Variants in CUL9 observed in about 807,000 individuals in gnomAD.
CUL9 encodes cullin-9.
A neutral mutation model predicts 272.6 loss-of-function variants in CUL9; 79 were observed. That is an observed-to-expected ratio of 0.29 (90% CI 0.24 to 0.35). The LOEUF (loss-of-function observed/expected upper bound fraction) is 0.35, where lower values mean the gene tolerates loss of function less well. CUL9 is among the 10% of genes least tolerant of loss of function. The pLI is 1.00. For synonymous variants in CUL9, 1,186 were observed against 1,286.5 expected, an observed-to-expected ratio of 0.92 and a Z score of 1.67; for missense variants, 2,532 against 3,255.6, an observed-to-expected ratio of 0.78 and a Z score of 5.41.
rs760000481 is a variant in CUL9 at position 43,203,982 on chromosome 6, C to T, written c.4154C>T (p.Ser1385Phe). 6.9e-6 allele frequency: 11 copies of T among 1,596,646 alleles called. No individual in the cohort carries two copies. The highest frequency in any genetic ancestry group is 1.7e-5 in the Admixed American group (1 of 58,232). The change falls in exon 20 of 41, where the codon TCT becomes TTT. Residue 1385 changes from serine to phenylalanine, a missense_variant. Transcript: ENST00000252050. The surrounding 1 kb of genome is among the most constrained non-coding windows in gnomAD (Gnocchi z 5.0). The stretch of plus-strand genomic sequence containing the variant: ...AGCCCCCTGGTGCAGAACATCACCT[C>T]TCCCGGTAACCATGCTGACACCTGG... ...LVSPLVQNIT[S>F]PDAEGVSALG...
intron 9 of CUL9, among the ~76,000 whole-genome samples, chr6:43,193,989 A>G (rs1360656404): frequency 1.3e-5 from 2 of 152,202 alleles, no homozygotes; most frequent in Admixed American, 6.5e-5. Context: ...AGATTTGGGT[A>G]AAACAAAGCC....
In CUL9 at chr6:43,209,941, C is replaced by T. The variant is rs147714086; in HGVS notation, c.5213-3208C>T. On this transcript the variant is annotated intron_variant, in intron 26 of 40. Transcript: ENST00000252050. ...GATTACAGGCATGAGCCACCGCATC[C>T]GGACCCTTTTGTACTTTTTATTTTA... is the stretch of plus-strand genomic sequence containing the variant. Among the ~76,000 whole-genome samples the T allele has an allele frequency of 5.3e-3, 800 of 152,018 alleles. 11 individuals carry two copies. The highest frequency in any genetic ancestry group is 0.018 in the African/African-American group (767 of 41,500).
chr6:43,220,633 A>C lies in CUL9; in HGVS notation c.6423+34A>C, dbSNP rs1776280181. 6 of 1,612,556 alleles carry C rather than the reference A, an allele frequency of 3.7e-6. No individual in the cohort carries two copies. The highest frequency in any genetic ancestry group is 5.1e-6 in the Non-Finnish European group (6 of 1,179,152). ...TCTCGTCTGAGAGAGGCTCCAGTGC[A>C]GAGCCAAAGGAGTGTGCCCCAGGGA... is the stretch of plus-strand genomic sequence containing the variant. On this transcript the variant is annotated intron_variant, in intron 32 of 40. Coordinates refer to ENST00000252050, the MANE Select transcript of CUL9 (RefSeq NM_015089.4). This position sits in a 1 kb window ranked among gnomAD's most constrained non-coding sequence, Gnocchi z 4.9.
rs762518836 is a variant in CUL9, at chr6:43,206,276, C to A, written c.5022+41C>A. ...ATAGGAGAGTGAGAGAAGACTAGAC[C>A]AAGGAAGGGAGCCCAAGGGCCCTTG... On this transcript the variant is annotated intron_variant, in intron 25 of 40. Transcript: ENST00000252050. This position sits in a 1 kb window ranked among gnomAD's most constrained non-coding sequence, Gnocchi z 4.8. 3 of 1,611,900 alleles carry A rather than the reference C, an allele frequency of 1.9e-6. No individual in the cohort carries two copies. Among genetic ancestry groups the A allele is most frequent in the Middle Eastern group, 1.7e-4 (1 of 6,054 alleles).
Position 43,222,838 on chromosome 6 carries a change from G to C in CUL9, c.7092G>C (p.Val2364=), listed in dbSNP as rs1330151504. ...GCCAGGACGCAGAGTACATGGATGT[G>C]GTGGAGCAGCAGACAGAGAACCTGG... is the stretch of plus-strand genomic sequence containing the variant. ...FYSQDAEYMD[V]VEQQTENLEL... Residue 2364 remains valine, a synonymous_variant, in exon 38 of 41, where the codon GTG becomes GTC. Transcript: ENST00000252050. 6.2e-7 allele frequency: 1 copy of C among 1,614,022 alleles called. No individual in the cohort carries two copies. Among genetic ancestry groups the C allele is most frequent in the Non-Finnish European group, 8.5e-7 (1 of 1,179,966 alleles).
Position 43,198,753 on chromosome 6 carries a change from C to G in CUL9, c.2948C>G (p.Pro983Arg). The stretch of plus-strand genomic sequence containing the variant: ...GGCAGCCCCGGAGGTGCCGTGAGGC[C>G]CCTCCTCAAGCGCCTCCAGCAGGAG... Reference protein sequence around the residue: ...REGSPGGAVRPLLKRLQQETQ... With the variant: ...REGSPGGAVRRLLKRLQQETQ... Residue 983 changes from proline to arginine, a missense_variant, in exon 12 of 41, where the codon CCC (proline) becomes CGC (arginine). Pro to Arg is a moderately radical substitution (Grantham distance 103, BLOSUM62 -2). Coordinates refer to ENST00000252050, the MANE Select transcript of CUL9 (RefSeq NM_015089.4). 1 of 1,614,114 alleles carries G rather than the reference C, an allele frequency of 6.2e-7. No individual in the cohort carries two copies. Among genetic ancestry groups the G allele is most frequent in the Non-Finnish European group, 8.5e-7 (1 of 1,180,022 alleles).
chr6:43,182,515 C>T (rs143033117), intron 1 of CUL9, among the ~76,000 whole-genome samples: 2 of 151,858 alleles, frequency 1.3e-5, no homozygotes, highest in South Asian at 4.2e-4. Flanking sequence ...CTCATCCATG[C>T]GTCCAGAGCT....
Position 43,196,178 on chromosome 6 carries a change from C to T in CUL9, c.2498C>T (p.Ala833Val). Residue 833 changes from alanine to valine, a missense_variant, in exon 10 of 41, where the codon GCC becomes GTC. By Grantham distance (64) the Ala-to-Val change is moderately conservative. Transcript: ENST00000252050. ...GCTCAGATGACCAGAGAGATCTTCGCCAGCATCGACTCAGCCACACGCCCG... is the reference window on the plus strand; with the variant it reads ...GCTCAGATGACCAGAGAGATCTTCGTCAGCATCGACTCAGCCACACGCCCG... ...FDAQMTREIF[A>V]SIDSATRPGS... 3 of 1,614,184 alleles carry T rather than the reference C, an allele frequency of 1.9e-6. No individual in the cohort carries two copies. The highest frequency in any genetic ancestry group is 8.5e-7 in the Non-Finnish European group (1 of 1,180,046).
Position 43,213,541 on chromosome 6 carries a change from A to T in CUL9, c.5462A>T (p.His1821Leu), listed in dbSNP as rs779552248. 21 of 1,599,908 alleles carry T rather than the reference A, an allele frequency of 1.3e-5. No homozygotes were observed. The Middle Eastern group carries it at 5.0e-4, about 38-fold the overall frequency. Residue 1821 changes from histidine (H) to leucine (L), a missense_variant, in exon 28 of 41, where the codon CAT becomes CTT. Coordinates refer to ENST00000252050, the MANE Select transcript of CUL9 (RefSeq NM_015089.4). The surrounding 1 kb of genome is among the most constrained non-coding windows in gnomAD (Gnocchi z 5.7). Reference sequence around the variant, plus strand: ...TCAGGGAATGGCCCTTTGACCCTGCATGAGGGCCAGGACTTTCCACACGGG... The same window carrying T: ...TCAGGGAATGGCCCTTTGACCCTGCTTGAGGGCCAGGACTTTCCACACGGG... Reference protein sequence around the residue: ...LTSGNGPLTLHEGQDFPHGGV... With the variant: ...LTSGNGPLTLLEGQDFPHGGV...
chr6:43,208,264 TG>T (rs1362966670), intron 26 of CUL9, among the ~76,000 whole-genome samples: 1 of 152,172 alleles, frequency 6.6e-6, no homozygotes, highest in Non-Finnish European at 1.5e-5. Flanking sequence ...TACAGTGGCT[TG>T]ATCTTGGCTC....
At position 43,184,900 on chromosome 6, in the gene CUL9, A is replaced by C; in HGVS notation, c.590A>C (p.Asp197Ala). 6.3e-7 allele frequency: 1 copy of C among 1,589,668 alleles called. No individual in the cohort carries two copies. Among genetic ancestry groups the C allele is most frequent in the Non-Finnish European group, 8.5e-7 (1 of 1,170,470 alleles). Residue 197 changes from aspartate to alanine, a missense_variant, in exon 2 of 41, where the codon GAT (aspartate) becomes GCT (alanine). Transcript: ENST00000252050. This position sits in a 1 kb window ranked among gnomAD's most constrained non-coding sequence, Gnocchi z 4.8. ...GKMLQALAAH[D>A]AGSRAHVLLS... ...ATGCTGCAGGCTCTGGCAGCCCACG[A>C]TGCTGGTAAGAGACAGCCAGGGAAG...
In CUL9 at chr6:43,223,386, C is replaced by CA; in HGVS notation, c.7274dup (p.His2425GlnfsTer46). 1 of 1,598,264 alleles carries CA rather than the reference C, an allele frequency of 6.3e-7. No homozygotes were observed. The highest frequency in any genetic ancestry group is 8.5e-7 in the Non-Finnish European group (1 of 1,171,874). On this transcript the variant is annotated frameshift_variant, in exon 39 of 41. Transcript: ENST00000252050. LOFTEE classifies it high-confidence loss of function. The surrounding 1 kb of genome is among the most constrained non-coding windows in gnomAD (Gnocchi z 4.1). ...GGAGAGGCTGCTTGCCATCCTGCAG[C>CA]ATTCTGCCCAGGTACTGCCCGGCCC...
rs1321769246 is a variant in CUL9, at chr6:43,223,318, C to T, written c.7205C>T (p.Ala2402Val). The change falls in exon 39 of 41, where the codon GCC becomes GTC. Residue 2402 changes from alanine (A) to valine (V), a missense_variant. By Grantham distance (64) the Ala-to-Val change is moderately conservative. This residue lies in a region of CUL9 where 237 missense variants were observed against 305.9 expected (regional missense o/e 0.77). Coordinates refer to ENST00000252050, the MANE Select transcript of CUL9 (RefSeq NM_015089.4). The surrounding 1 kb of genome is among the most constrained non-coding windows in gnomAD (Gnocchi z 4.1). ...GCCTCCTCCCTGCGCCTCCTGCGGGCCGACTGCCTCAGCACGGGCATGGAG... is the reference window on the plus strand; with the variant it reads ...GCCTCCTCCCTGCGCCTCCTGCGGGTCGACTGCCTCAGCACGGGCATGGAG... ...DLASSLRLLR[A>V]DCLSTGMELL... 3 of 1,601,080 alleles carry T rather than the reference C, an allele frequency of 1.9e-6. No homozygotes were observed. Among genetic ancestry groups the T allele is most frequent in the Non-Finnish European group, 2.6e-6 (3 of 1,173,902 alleles).
chr6:43,182,838 C>T (rs1772538806), intron 1 of CUL9, among the ~76,000 whole-genome samples: 1 of 152,166 alleles, frequency 6.6e-6, no homozygotes, highest in African/African-American at 2.4e-5. Context: ...CCCTGTTGCC[C>T]CTGCACTGCT....
chr6:43,193,683 C>A (rs1041884276), intron 9 of CUL9, among the ~76,000 whole-genome samples: 2 of 152,100 alleles, frequency 1.3e-5, no homozygotes, highest in Non-Finnish European at 2.9e-5. Context: ...GGATTACAGG[C>A]ATGAGCCACC....
rs564868454 is a variant in CUL9 at position 43,218,057 on chromosome 6, G to T, written c.6282+1554G>T. ...TTTGGCAGTCTCAGGCAATCCTCCC[G>T]CCTTGACCTCCCAAAGTGCTGGAAT... On this transcript the variant is annotated intron_variant, in intron 31 of 40. Transcript: ENST00000252050. The surrounding 1 kb of genome is among the most constrained non-coding windows in gnomAD (Gnocchi z 4.4). Among the ~76,000 whole-genome samples, 1 of 152,124 alleles carries T rather than the reference G, an allele frequency of 6.6e-6. No individual in the cohort carries two copies. The highest frequency in any genetic ancestry group is 2.4e-5 in the African/African-American group (1 of 41,440).
chr6:43,201,073 G>A (rs566932616), intron 16 of CUL9, among the ~76,000 whole-genome samples: 1 of 152,312 alleles, frequency 6.6e-6, no homozygotes, highest in African/African-American at 2.4e-5. Flanking sequence ...GCTTAGTGTT[G>A]AGGGAGATAA....
chr6:43,203,673 G>T lies in CUL9; in HGVS notation c.4025+81G>T, dbSNP rs73436482. On this transcript the variant is annotated intron_variant, in intron 19 of 40. Coordinates refer to ENST00000252050, the MANE Select transcript of CUL9 (RefSeq NM_015089.4). This position sits in a 1 kb window ranked among gnomAD's most constrained non-coding sequence, Gnocchi z 5.0. Reference sequence around the variant, plus strand: ...AGGAGGGATGCTCCTGTGGGAGTCCGGAAGGGAAAGCTGCAGCCAGGACAT... The same window carrying T: ...AGGAGGGATGCTCCTGTGGGAGTCCTGAAGGGAAAGCTGCAGCCAGGACAT... 8.5e-6 allele frequency: 13 copies of T among 1,536,458 alleles called. No homozygotes were observed. Among genetic ancestry groups the T allele is most frequent in the Admixed American group, 1.9e-5 (1 of 53,618 alleles).
At chr6:43,207,287 C>T (rs1054316884) in intron 26 of CUL9, among the ~76,000 whole-genome samples, 1 of 152,174 alleles carries the variant, frequency 6.6e-6, no homozygotes, top group Non-Finnish European at 1.5e-5. Context: ...TCCTTCATGC[C>T]CCCTTTCCAG....
Sources: gnomAD v4.1 joint callset for allele counts (sites outside exome capture counted in the v4.1 genomes callset) on GRCh38, gnomAD v4.1.1 for gene constraint, gnomAD v4.1.1 regional missense constraint, Gnocchi (gnomAD v3.1) non-coding constraint, MANE v1.5 for transcripts, NCBI Gene and HGNC (gene_info 2026-07-23, HGNC 2026-07-21) for gene names.